Variants in NLGN4Y observed in about 807,000 individuals in gnomAD.
NLGN4Y encodes the protein neuroligin-4, Y-linked.
NLGN4Y carries 4 observed loss-of-function variants against 8.4 expected under a neutral mutation model. The observed-to-expected ratio is 0.48, with a 90% CI of 0.23 to 1.09. The LOEUF (loss-of-function observed/expected upper bound fraction) is 1.09, where lower values mean the gene tolerates loss of function less well. Among genes scored for constraint, NLGN4Y ranks in the 50% least tolerant of loss-of-function variants. NLGN4Y has a pLI of 0.19. For synonymous variants in NLGN4Y, 35 were observed against 75.6 expected, an observed-to-expected ratio of 0.46 and a Z score of 2.78; for missense variants, 90 against 192.3, an observed-to-expected ratio of 0.47 and a Z score of 3.15.
intron 1 of NLGN4Y, among the ~76,000 whole-genome samples, chrY:14,575,295 T>G: frequency 3.0e-5 from 1 of 33,310 alleles, no homozygotes. Context: ...TTTCTTTTTA[T>G]TCTTTTTTCT....
intron 2 of NLGN4Y, among the ~76,000 whole-genome samples, chrY:14,707,701 A>G (rs1603503031): frequency 3.1e-5 from 1 of 32,773 alleles, no homozygotes; most frequent in East Asian, 8.1e-4. Context: ...ATGTAAATAT[A>G]CTAAGATTTG....
chrY:14,725,792 C>A (rs2080953757), intron 4 of NLGN4Y, among the ~76,000 whole-genome samples: 5 of 33,354 alleles, frequency 1.5e-4, no homozygotes, highest in African/African-American at 2.4e-4. Context: ...TTTGCCAGAA[C>A]CCAAGATTTG....
intron 4 of NLGN4Y, among the ~76,000 whole-genome samples, chrY:14,794,942 T>C (rs2043000649): frequency 2.9e-5 from 1 of 34,099 alleles, no homozygotes; most frequent in African/African-American, 1.1e-4. Flanking sequence ...CGGCATGATC[T>C]TGTCTCACTG....
intron 1 of NLGN4Y, among the ~76,000 whole-genome samples, chrY:14,619,227 C>T: frequency 3.0e-5 from 1 of 33,669 alleles, no homozygotes; most frequent in East Asian, 7.9e-4. Flanking sequence ...ACATTATAAA[C>T]CTGGGAAGAA....
intron 1 of NLGN4Y, among the ~76,000 whole-genome samples, chrY:14,563,638 C>G: frequency 3.0e-5 from 1 of 33,223 alleles, no homozygotes; most frequent in South Asian, 6.7e-4. Context: ...CTTTGTACCT[C>G]TGGTAGAACT....
intron 1 of NLGN4Y, among the ~76,000 whole-genome samples, chrY:14,616,028 G>A: frequency 3.0e-5 from 1 of 33,767 alleles, no homozygotes; most frequent in Admixed American, 2.7e-4. Context: ...AATTGTACCA[G>A]CTTCTCTTTG....
Position 14,732,770 on chromosome Y carries a change from C to T in NLGN4Y, c.685+9501C>T, listed in dbSNP as rs771667407. Among the ~76,000 whole-genome samples, 8 of 33,115 alleles carry T rather than the reference C, an allele frequency of 2.4e-4. No homozygotes were observed. In the East Asian group the frequency reaches 4.0e-3, roughly 16 times the overall value. The allele number at this position is 33,115 out of a possible 37,273, so 88.8% of individuals were successfully genotyped here. On this transcript the variant is annotated intron_variant, in intron 4 of 6. Coordinates refer to ENST00000684976, the MANE Select transcript of NLGN4Y (RefSeq NM_001365588.1). ...GATAGGCACATGGGATAATATATCA[C>T]GTAGATCCTGATTGTAGATCAATGC...
At chrY:14,617,410 C>T in intron 1 of NLGN4Y, among the ~76,000 whole-genome samples, 16 of 27,266 alleles carry the variant, frequency 5.9e-4, no homozygotes, top group Admixed American at 1.5e-3. Flanking sequence ...CCACTCCAGA[C>T]GCTGTGTGCC....
chrY:14,772,939 A>G (rs2081111615), intron 4 of NLGN4Y, among the ~76,000 whole-genome samples: 1 of 33,558 alleles, frequency 3.0e-5, no homozygotes. Flanking sequence ...AGAGATATTT[A>G]TGACAAACCC....
At chrY:14,743,201 G>C (rs1603503416) in intron 4 of NLGN4Y, among the ~76,000 whole-genome samples, 1 of 33,071 alleles carries the variant, frequency 3.0e-5, no homozygotes, top group South Asian at 6.7e-4. Context: ...TTTTTAAAAG[G>C]GGTGAGGATA....
intron 2 of NLGN4Y, among the ~76,000 whole-genome samples, chrY:14,634,934 A>G (rs2080560154): frequency 2.9e-5 from 1 of 34,070 alleles, no homozygotes. Flanking sequence ...CCCTGTTGCC[A>G]TCACAAAGAA....
intron 4 of NLGN4Y, among the ~76,000 whole-genome samples, chrY:14,815,626 T>A (rs983749346): frequency 3.0e-5 from 1 of 33,283 alleles, no homozygotes; most frequent in African/African-American, 1.2e-4. Flanking sequence ...CTTGAAAAGT[T>A]AAGATGGTAT....
At chrY:14,566,377 C>A in intron 1 of NLGN4Y, among the ~76,000 whole-genome samples, 1 of 32,956 alleles carries the variant, frequency 3.0e-5, no homozygotes, top group Admixed American at 2.8e-4. Flanking sequence ...CTATCCTAGT[C>A]TCTGATAAAA....
chrY:14,683,148 T>C, intron 2 of NLGN4Y, among the ~76,000 whole-genome samples: 2 of 33,541 alleles, frequency 6.0e-5, no homozygotes, highest in Non-Finnish European at 1.5e-4. Flanking sequence ...ATGTCATAGA[T>C]GGCAGGTGGT....
chrY:14,590,075 C>T, intron 1 of NLGN4Y, among the ~76,000 whole-genome samples: 2 of 34,475 alleles, frequency 5.8e-5, no homozygotes, highest in African/African-American at 1.1e-4. Flanking sequence ...CCGGCTGCTC[C>T]GAGTGCGGGG....
At chrY:14,799,442 G>C in intron 4 of NLGN4Y, among the ~76,000 whole-genome samples, 1 of 33,441 alleles carries the variant, frequency 3.0e-5, no homozygotes. Flanking sequence ...CATTTTCTTA[G>C]CCTCTGTAGT....
At chrY:14,546,341 G>A (rs2150467819) in intron 1 of NLGN4Y, among the ~76,000 whole-genome samples, 24 of 33,095 alleles carry the variant, frequency 7.3e-4, no homozygotes, top group African/African-American at 2.8e-3. Context: ...GATGGGGATG[G>A]CATTGAATCT....
chrY:14,544,091 AC>A (rs2080160624), intron 1 of NLGN4Y, among the ~76,000 whole-genome samples: 1 of 33,921 alleles, frequency 2.9e-5, no homozygotes, highest in Non-Finnish European at 7.3e-5. Context: ...GTTGTGCTCT[AC>A]TGATTTAAAA....
At chrY:14,809,671 C>A (rs754244481) in intron 4 of NLGN4Y, among the ~76,000 whole-genome samples, 1 of 30,873 alleles carries the variant, frequency 3.2e-5, no homozygotes, top group South Asian at 7.8e-4. Context: ...CCTCAGCCTC[C>A]CAAGTAGCTG....
Sources: gnomAD v4.1 joint callset for allele counts (sites outside exome capture counted in the v4.1 genomes callset) on GRCh38, gnomAD v4.1.1 for gene constraint, MANE v1.5 for transcripts, NCBI Gene and HGNC (gene_info 2026-07-23, HGNC 2026-07-21) for gene names.